ASXL3: variants seen among roughly 807,000 people sequenced by gnomAD.
The protein encoded by ASXL3 is ASXL transcriptional regulator 3.
Under a neutral mutation model 170.6 loss-of-function variants are expected in ASXL3, and 34 were observed. That is an observed-to-expected ratio of 0.20 (90% CI 0.15 to 0.27). ASXL3 has a LOEUF of 0.27. Among genes scored for constraint, ASXL3 ranks in the 10% least tolerant of loss-of-function variants. ASXL3 has a pLI of 1.00. For missense variants in ASXL3, 2,592 were observed against 2,695.3 expected (o/e 0.96, Z 0.85); for synonymous variants, 1,002 against 989.1 (o/e 1.01, Z -0.24).
At chr18:33,609,559 A>G (rs1278231317) in intron 2 of ASXL3, among the ~76,000 whole-genome samples, 1 of 152,030 alleles carries the variant, frequency 6.6e-6, no homozygotes, top group African/African-American at 2.4e-5. Context: ...GAGGGCTTTC[A>G]GCATGCATAG....
intron 2 of ASXL3, among the ~76,000 whole-genome samples, chr18:33,636,323 ACAACAACAACAG>A (rs1162602294): frequency 1.5e-4 from 14 of 94,936 alleles, no homozygotes; most frequent in East Asian, 4.4e-4. Context: ...AACAACAACA[ACAACAACAACAG>A]CAACAACAAC....
intron 8 of ASXL3, among the ~76,000 whole-genome samples, chr18:33,716,819 A>G (rs190106165): frequency 3.3e-5 from 5 of 151,926 alleles, no homozygotes; most frequent in Admixed American, 3.3e-4. Context: ...AAAATGTATA[A>G]TAGATTACTC....
At chr18:33,622,914 C>A (rs1299269386) in intron 2 of ASXL3, among the ~76,000 whole-genome samples, 1 of 152,122 alleles carries the variant, frequency 6.6e-6, no homozygotes, top group Admixed American at 6.6e-5. Flanking sequence ...TCTTGGAGAA[C>A]AACCACCAGC....
intron 4 of ASXL3, among the ~76,000 whole-genome samples, chr18:33,657,502 A>G (rs73422879): frequency 0.082 from 12,476 of 152,166 alleles, 586 homozygotes; most frequent in African/African-American, 0.1. Context: ...GGGAATACCA[A>G]CCATATCCCC....
intron 5 of ASXL3, 144 bp from the exon 6 acceptor site, chr18:33,670,529 G>A: frequency 1.7e-6 from 1 of 573,460 alleles, no homozygotes. Flanking sequence ...TAACTATTAA[G>A]AATCCTGAGA....
chr18:33,736,437 G>A (rs1014440357), intron 10 of ASXL3, among the ~76,000 whole-genome samples: 10 of 151,802 alleles, frequency 6.6e-5, no homozygotes, highest in African/African-American at 2.4e-4. Context: ...CATGTTGCAT[G>A]GCAGATACAT....
rs1338149667 is a variant in ASXL3 at position 33,594,746 on chromosome 18, T to TTA, written c.55-12837_55-12836dup. On this transcript the variant is annotated intron_variant, in intron 1 of 11. Coordinates refer to ENST00000269197, the MANE Select transcript of ASXL3 (RefSeq NM_030632.3). ...GAATTCGTTTAGCATAAATCTTAATTTATATATATATAAATGGGGTCTCAC... is the reference window on the plus strand; with the variant it reads ...GAATTCGTTTAGCATAAATCTTAATTTATATATATATATAAATGGGGTCTCAC... Among the ~76,000 whole-genome samples, 13 of 151,798 alleles carry TTA rather than the reference T, an allele frequency of 8.6e-5. No homozygotes were observed. The South Asian group carries it at 1.9e-3, about 22-fold the overall frequency.
intron 4 of ASXL3, among the ~76,000 whole-genome samples, chr18:33,655,733 A>G (rs551388205): frequency 1.5e-4 from 23 of 152,174 alleles, no homozygotes; most frequent in African/African-American, 5.3e-4. Flanking sequence ...CTGGCTGTAT[A>G]TATCCAAAAT....
intron 2 of ASXL3, chr18:33,626,035 G>T (rs912712902): frequency 6.6e-6 from 1 of 151,924 alleles, no homozygotes; most frequent in African/African-American, 2.4e-5. Context: ...TCACTATTAT[G>T]GTAGTTTAGG....
At chr18:33,713,345 C>CCCCCCG (rs1555736916) in intron 8 of ASXL3, among the ~76,000 whole-genome samples, 1 of 37,960 alleles carries the variant, frequency 2.6e-5, no homozygotes, top group Non-Finnish European at 4.9e-5. Flanking sequence ...ACCTCCACCC[C>CCCCCCG]CCCCCGGGTT....
chr18:33,709,921 C>T (rs939261963), intron 8 of ASXL3, among the ~76,000 whole-genome samples: 4 of 152,178 alleles, frequency 2.6e-5, no homozygotes, highest in African/African-American at 9.7e-5. Flanking sequence ...CCACCATGAC[C>T]CCTAGCTCCT....
chr18:33,718,783 A>T (rs2067209337), intron 8 of ASXL3, among the ~76,000 whole-genome samples: 1 of 151,964 alleles, frequency 6.6e-6, no homozygotes, highest in African/African-American at 2.4e-5. Flanking sequence ...AATATAAAAA[A>T]ATCAAGGGAG....
chr18:33,738,174 T>C (rs2067580291), intron 10 of ASXL3, among the ~76,000 whole-genome samples: 1 of 151,642 alleles, frequency 6.6e-6, no homozygotes, highest in African/African-American at 2.4e-5. Flanking sequence ...TTAGTGATTA[T>C]AAATATTTTC....
chr18:33,647,091 A>G (rs1057115703), intron 4 of ASXL3, among the ~76,000 whole-genome samples: 2 of 151,880 alleles, frequency 1.3e-5, no homozygotes, highest in Non-Finnish European at 2.9e-5. Flanking sequence ...AAAACTGTGT[A>G]GTTAAAGTCT....
intron 2 of ASXL3, among the ~76,000 whole-genome samples, chr18:33,608,697 AGTAG>A (rs2145125997): frequency 6.6e-6 from 1 of 152,156 alleles, no homozygotes; most frequent in East Asian, 1.9e-4. Context: ...TTGAGCATAC[AGTAG>A]TTGCAACTTG....
At chr18:33,654,509 G>A (rs1030967243) in intron 4 of ASXL3, among the ~76,000 whole-genome samples, 1 of 152,032 alleles carries the variant, frequency 6.6e-6, no homozygotes, top group African/African-American at 2.4e-5. Context: ...ATATGATAAA[G>A]TATGAAATAA....
intron 9 of ASXL3, among the ~76,000 whole-genome samples, chr18:33,733,544 C>A (rs2145400407): frequency 6.6e-6 from 1 of 152,298 alleles, no homozygotes; most frequent in East Asian, 1.9e-4. Flanking sequence ...TAACTGCAGT[C>A]CTCCAATTAC....
At chr18:33,704,146 C>T (rs1041528386) in intron 8 of ASXL3, among the ~76,000 whole-genome samples, 2 of 152,056 alleles carry the variant, frequency 1.3e-5, no homozygotes, top group Non-Finnish European at 2.9e-5. Context: ...AGTAGGTACT[C>T]AATAATTATT....
At chr18:33,653,721 A>G (rs1030464256) in intron 4 of ASXL3, among the ~76,000 whole-genome samples, 10 of 152,018 alleles carry the variant, frequency 6.6e-5, no homozygotes, top group Non-Finnish European at 1.5e-4. Context: ...GAAGTAGACA[A>G]TATTCTAATA....
Sources: allele counts gnomAD v4.1 joint callset (sites outside exome capture counted in the v4.1 genomes callset), GRCh38; gene constraint gnomAD v4.1.1; transcripts MANE v1.5; gene names NCBI Gene and HGNC (gene_info 2026-07-23, HGNC 2026-07-21).